The following NR1H4 variants were observed in gnomAD, a reference collection of about 807,000 sequenced individuals.
NR1H4 encodes bile acid receptor.
Under a neutral mutation model 58.5 loss-of-function variants are expected in NR1H4, and 23 were observed. The observed-to-expected ratio is 0.39, with a 90% CI of 0.28 to 0.56. The LOEUF (loss-of-function observed/expected upper bound fraction) is 0.56, where lower values mean the gene tolerates loss of function less well. Ranked by LOEUF, NR1H4 falls within the 20% of genes least tolerant of loss-of-function variation. The pLI is 0.58. For synonymous variants in NR1H4, 214 were observed against 198.0 expected (o/e 1.08, Z -0.68); for missense variants, 487 against 576.9 (o/e 0.84, Z 1.60).
chr12:100,505,688 C>A, intron 3 of NR1H4: 1 of 658,976 alleles, frequency 1.5e-6, no homozygotes, highest in Non-Finnish European at 2.7e-6. Flanking sequence ...CTTTGATAGG[C>A]TAATTCCAAA....
chr12:100,498,609 C>T (rs1442139924), intron 3 of NR1H4, among the ~76,000 whole-genome samples: 1 of 151,368 alleles, frequency 6.6e-6, no homozygotes, highest in African/African-American at 2.4e-5. Context: ...GAGCCTCAGT[C>T]TCCAAAAAAA....
chr12:100,562,143 T>C, intron 10 of NR1H4, 145 bp downstream of exon 10: 1 of 613,614 alleles, frequency 1.6e-6, no homozygotes, highest in Non-Finnish European at 2.9e-6. Flanking sequence ...AGAACCATTA[T>C]TAACCTTTCA....
chr12:100,480,411 A>C (rs967126346), intron 1 of NR1H4, among the ~76,000 whole-genome samples: 2 of 152,244 alleles, frequency 1.3e-5, no homozygotes, highest in Admixed American at 1.3e-4. Flanking sequence ...CAACTGACAC[A>C]TCCACCGTAC....
At chr12:100,560,190 A>G (rs189326904) in intron 9 of NR1H4, among the ~76,000 whole-genome samples, 113 of 152,306 alleles carry the variant, frequency 7.4e-4, no homozygotes, top group African/African-American at 2.6e-3. Flanking sequence ...AAATGTACCA[A>G]TCAGCGCCCT....
At position 100,524,200 on chromosome 12, in the gene NR1H4, A is replaced by T. The variant is rs543149608; in HGVS notation, c.446-8258A>T. ...GAAACGTCTTAAAGCATAAATTACT[A>T]AATGAGAAAAGTTATAAATCTACAC... On this transcript the variant is annotated intron_variant, in intron 4 of 10. Coordinates refer to ENST00000392986, the MANE Select transcript of NR1H4 (RefSeq NM_001206979.2). Among the ~76,000 whole-genome samples, 3 of 152,282 alleles carry T rather than the reference A, an allele frequency of 2.0e-5. No individual in the cohort carries two copies. The South Asian group carries it at 6.2e-4, about 32-fold the overall frequency.
intron 3 of NR1H4, among the ~76,000 whole-genome samples, chr12:100,509,124 A>G (rs1327255216): frequency 1.3e-5 from 2 of 152,176 alleles, no homozygotes; most frequent in African/African-American, 2.4e-5. Context: ...AACTCTTGAT[A>G]TCGATATTAT....
intron 4 of NR1H4, among the ~76,000 whole-genome samples, chr12:100,512,565 C>T (rs1182444031): frequency 2.0e-5 from 3 of 151,138 alleles, no homozygotes; most frequent in Admixed American, 6.6e-5. Flanking sequence ...GGCGTGAACC[C>T]GAGAGGCAGA....
intron 10 of NR1H4, among the ~76,000 whole-genome samples, 156 bp from the exon 11 acceptor site, chr12:100,563,095 G>A (rs192617372): frequency 6.6e-6 from 1 of 152,306 alleles, no homozygotes; most frequent in Admixed American, 6.5e-5. Flanking sequence ...AATTACGTGT[G>A]TGTGCATAAA....
intron 4 of NR1H4, among the ~76,000 whole-genome samples, chr12:100,527,387 G>A (rs1359046368): frequency 6.6e-6 from 1 of 152,164 alleles, no homozygotes; most frequent in African/African-American, 2.4e-5. Flanking sequence ...ATTATTAATA[G>A]CTGGGCATGG....
intron 3 of NR1H4, among the ~76,000 whole-genome samples, chr12:100,493,910 G>C (rs936636842): frequency 6.6e-6 from 1 of 152,126 alleles, no homozygotes; most frequent in Admixed American, 6.6e-5. Flanking sequence ...GTTTTCAGTA[G>C]ATCTGTAACT....
intron 3 of NR1H4, among the ~76,000 whole-genome samples, chr12:100,498,480 T>C (rs1299261683): frequency 1.3e-5 from 2 of 151,616 alleles, no homozygotes; most frequent in African/African-American, 2.4e-5. Context: ...CTCTACTAAA[T>C]ATACAAAATT....
At chr12:100,481,566 G>A (rs981280269) in intron 1 of NR1H4, among the ~76,000 whole-genome samples, 2 of 152,056 alleles carry the variant, frequency 1.3e-5, no homozygotes, top group Admixed American at 1.3e-4. Context: ...TTGAGCTCAG[G>A]AGTTCTAGAC....
chr12:100,501,575 G>A lies in NR1H4; in HGVS notation c.79+8173G>A, dbSNP rs201149795. The stretch of plus-strand genomic sequence containing the variant: ...CACTGAGTTTAAAAATAGGCTTAAA[G>A]ATAGTGGAAGTTAGAAATAATACCT... On this transcript the variant is annotated intron_variant, in intron 3 of 10. Coordinates refer to ENST00000392986, the MANE Select transcript of NR1H4 (RefSeq NM_001206979.2). Among the ~76,000 whole-genome samples, 44 of 152,264 alleles carry A rather than the reference G, an allele frequency of 2.9e-4. No homozygotes were observed. The East Asian group carries it at 8.3e-3, about 29-fold the overall frequency.
intron 9 of NR1H4, among the ~76,000 whole-genome samples, chr12:100,559,378 G>C (rs897330948): frequency 4.3e-4 from 65 of 152,366 alleles, no homozygotes; most frequent in Admixed American, 1.6e-3. Flanking sequence ...GGGAGGTGTG[G>C]AGGGAGAGAC....
At chr12:100,484,462 C>G (rs1291488702) in intron 1 of NR1H4, among the ~76,000 whole-genome samples, 2 of 152,172 alleles carry the variant, frequency 1.3e-5, no homozygotes, top group Admixed American at 6.5e-5. Context: ...TAAAAACAAA[C>G]AGTGCATACC....
chr12:100,542,872 T>C (rs1954970006), intron 9 of NR1H4, among the ~76,000 whole-genome samples: 1 of 151,148 alleles, frequency 6.6e-6, no homozygotes, highest in Non-Finnish European at 1.5e-5. Context: ...ATTCTTAATA[T>C]ATTAATTTAC....
chr12:100,530,989 A>C (rs974468892), intron 4 of NR1H4, among the ~76,000 whole-genome samples: 1 of 152,188 alleles, frequency 6.6e-6, no homozygotes, highest in African/African-American at 2.4e-5. Context: ...TCTCTGCTCC[A>C]CAGAGATTGT....
chr12:100,496,421 T>A (rs1953715866), intron 3 of NR1H4, among the ~76,000 whole-genome samples: 1 of 151,988 alleles, frequency 6.6e-6, no homozygotes, highest in South Asian at 2.1e-4. Flanking sequence ...AGAGAGAACA[T>A]TCCGGGAGGA....
chr12:100,544,226 T>C (rs924185855), intron 9 of NR1H4, among the ~76,000 whole-genome samples: 1 of 118,938 alleles, frequency 8.4e-6, no homozygotes, highest in Non-Finnish European at 1.6e-5. Flanking sequence ...TACTCCAGCC[T>C]GGGGGACAGA....
Sources: gnomAD v4.1 joint callset for allele counts (sites outside exome capture counted in the v4.1 genomes callset) on GRCh38, gnomAD v4.1.1 for gene constraint, MANE v1.5 for transcripts, NCBI Gene and HGNC (gene_info 2026-07-23, HGNC 2026-07-21) for gene names.